The following LAMA4 variants were observed in gnomAD, a reference collection of about 807,000 sequenced individuals.
LAMA4 encodes the protein laminin subunit alpha-4.
LAMA4 carries 127 observed loss-of-function variants against 207.1 expected under a neutral mutation model. That is an observed-to-expected ratio of 0.61 (90% CI 0.53 to 0.71). The LOEUF (loss-of-function observed/expected upper bound fraction) is 0.71, where lower values mean the gene tolerates loss of function less well. Ranked by LOEUF, LAMA4 falls within the 30% of genes least tolerant of loss-of-function variation. LAMA4 has a pLI of 0.00. For missense variants in LAMA4, 2,093 were observed against 2,246.5 expected, an observed-to-expected ratio of 0.93 and a Z score of 1.38; for synonymous variants, 761 against 816.0, an observed-to-expected ratio of 0.93 and a Z score of 1.15.
At chr6:112,155,973 ACTT>A (rs1399806757) in intron 14 of LAMA4, among the ~76,000 whole-genome samples, 2 of 152,196 alleles carry the variant, frequency 1.3e-5, no homozygotes, top group East Asian at 1.9e-4. Context: ...AGCCCTCTGC[ACTT>A]CTTCTTGCAG....
At chr6:112,194,979 T>C (rs1216773297) in intron 5 of LAMA4, among the ~76,000 whole-genome samples, 1 of 152,198 alleles carries the variant, frequency 6.6e-6, no homozygotes, top group Non-Finnish European at 1.5e-5. Context: ...ATTTTATTAT[T>C]TGGGCAAAAT....
In LAMA4 at chr6:112,216,489, C is replaced by A. The variant is rs1381612366; in HGVS notation, c.196-20G>T. 1.3e-6 allele frequency: 2 copies of A among 1,506,532 alleles called. No homozygotes were observed. The highest frequency in any genetic ancestry group is 1.7e-5 in the Admixed American group (1 of 59,858). 93.3% of individuals were successfully genotyped at this position (1,506,532 alleles called of 1,614,324 possible). The stretch of plus-strand genomic sequence containing the variant: ...GCATTTCTGCAACAGACACACCAAA[C>A]CATTTTGATTATTGAAAAGATTGAT... On this transcript the variant is annotated intron_variant, in intron 2 of 38. Transcript: ENST00000230538.
intron 2 of LAMA4, among the ~76,000 whole-genome samples, chr6:112,232,602 T>C (rs1785634792): frequency 6.6e-6 from 1 of 152,226 alleles, no homozygotes. Flanking sequence ...TATACCATCA[T>C]TTTGTAGCTT....
chr6:112,250,626 T>C (rs1787374559), intron 2 of LAMA4, among the ~76,000 whole-genome samples: 1 of 152,214 alleles, frequency 6.6e-6, no homozygotes, highest in African/African-American at 2.4e-5. Flanking sequence ...AAGCCAGTAA[T>C]AGCACCGTCA....
Position 112,172,701 on chromosome 6 carries a change from A to C in LAMA4, c.1461T>G (p.Asp487Glu). ...QLDDYNAKLS[D>E]LQEALDQALN... Reference sequence around the variant, plus strand: ...GGGCCTGGTCAAGTGCTTCCTGGAGATCTGACAACTTAGCATTGTAGTCAT... The same window carrying C: ...GGGCCTGGTCAAGTGCTTCCTGGAGCTCTGACAACTTAGCATTGTAGTCAT... The change falls in exon 12 of 39, where the codon GAT becomes GAG. Residue 487 changes from aspartate to glutamate, a missense_variant. Coordinates refer to ENST00000230538, the MANE Select transcript of LAMA4 (RefSeq NM_001105206.3). 1 of 1,613,802 alleles carries C rather than the reference A, an allele frequency of 6.2e-7. No individual in the cohort carries two copies. Among genetic ancestry groups the C allele is most frequent in the African/African-American group, 1.3e-5 (1 of 74,944 alleles).
At chr6:112,214,288 T>C (rs1264417122) in intron 3 of LAMA4, among the ~76,000 whole-genome samples, 2 of 152,166 alleles carry the variant, frequency 1.3e-5, no homozygotes, top group Non-Finnish European at 2.9e-5. Flanking sequence ...CTCATTATGT[T>C]GCCCAGGCTG....
At position 112,139,281 on chromosome 6, in the gene LAMA4, C is replaced by G. The variant is rs782048946; in HGVS notation, c.3121G>C (p.Ala1041Pro). The change falls in exon 24 of 39, where the codon GCC becomes CCC. Residue 1041 changes from alanine (A) to proline (P), a missense_variant. By Grantham distance (27) the Ala-to-Pro change is conservative. Transcript: ENST00000230538. ...CTGGCAGCCCGACTCTGAGTGAAGG[C>G]CAGCTTATCTCTGAAATGGAAACAC... ...TSVPCARDKL[A>P]FTQSRAASYF... The G allele has an allele frequency of 6.2e-7, 1 of 1,614,114 alleles. No individual in the cohort carries two copies. The highest frequency in any genetic ancestry group is 2.2e-5 in the East Asian group (1 of 44,882).
At chr6:112,135,409 G>A (rs1554331263) in intron 25 of LAMA4, among the ~76,000 whole-genome samples, 2 of 152,124 alleles carry the variant, frequency 1.3e-5, no homozygotes, top group Non-Finnish European at 2.9e-5. Flanking sequence ...CTGCAAAAAT[G>A]CTAGTCAGAG....
At chr6:112,159,141 A>G in intron 13 of LAMA4, 1 of 449,662 alleles carries the variant, frequency 2.2e-6, no homozygotes, top group South Asian at 2.4e-5. Flanking sequence ...CTAAAACTAA[A>G]CTAAAACCTT....
At chr6:112,201,558 A>G (rs782123706) in intron 5 of LAMA4, 50 bp downstream of exon 5, 28 of 1,455,280 alleles carry the variant, frequency 1.9e-5, no homozygotes, top group Non-Finnish European at 2.6e-5. Context: ...TGTGAGAAAC[A>G]GAAAGCTTCC....
At chr6:112,202,572 C>T (rs947166384) in intron 4 of LAMA4, among the ~76,000 whole-genome samples, 12 of 152,078 alleles carry the variant, frequency 7.9e-5, no homozygotes, top group African/African-American at 2.9e-4. Flanking sequence ...CATTTCTTAC[C>T]CTAATGGTGT....
Position 112,175,485 on chromosome 6 carries a change from A to G in LAMA4, c.1190-5T>C. On this transcript the variant is annotated splice_region_variant and splice_polypyrimidine_tract_variant and intron_variant, in intron 10 of 38. Transcript: ENST00000230538. Reference sequence around the variant, plus strand: ...AGAGCATCTTGTTGTTGATCTCTGAAAGGAAGAACATGGTGAAACAAGGCA... The same window carrying G: ...AGAGCATCTTGTTGTTGATCTCTGAGAGGAAGAACATGGTGAAACAAGGCA... 6.2e-7 allele frequency: 1 copy of G among 1,614,094 alleles called. No homozygotes were observed. Among genetic ancestry groups the G allele is most frequent in the Non-Finnish European group, 8.5e-7 (1 of 1,179,982 alleles).
chr6:112,186,735 T>C (rs1554346756), intron 8 of LAMA4: 1 of 448,326 alleles, frequency 2.2e-6, no homozygotes, highest in South Asian at 1.6e-5. Context: ...GTATTTTTCT[T>C]TTTTAATTGT....
chr6:112,190,980 C>T (rs1783080318), intron 6 of LAMA4, among the ~76,000 whole-genome samples: 3 of 131,444 alleles, frequency 2.3e-5, no homozygotes, highest in African/African-American at 8.6e-5. Flanking sequence ...TTCTTTCTTT[C>T]TTTCTTTCCT....
chr6:112,133,888 A>C (rs999789194), intron 26 of LAMA4, among the ~76,000 whole-genome samples: 2 of 152,244 alleles, frequency 1.3e-5, no homozygotes, highest in Non-Finnish European at 2.9e-5. Flanking sequence ...TAAGAAATGA[A>C]ACTAAGAAAT....
intron 2 of LAMA4, among the ~76,000 whole-genome samples, chr6:112,230,157 C>T (rs1785462080): frequency 6.6e-6 from 1 of 152,178 alleles, no homozygotes. Flanking sequence ...TGTCTGTGTT[C>T]AGTCCCCATT....
At chr6:112,177,710 A>G (rs897251830) in intron 10 of LAMA4, among the ~76,000 whole-genome samples, 1 of 152,188 alleles carries the variant, frequency 6.6e-6, no homozygotes, top group Admixed American at 6.5e-5. Context: ...CCCATCATAG[A>G]AAGAGCTTGT....
intron 2 of LAMA4, among the ~76,000 whole-genome samples, chr6:112,226,991 G>C (rs574847993): frequency 3.9e-5 from 6 of 152,118 alleles, no homozygotes; most frequent in South Asian, 4.1e-4. Flanking sequence ...GGCCAGTTAA[G>C]GGTAAAGGAG....
intron 2 of LAMA4, among the ~76,000 whole-genome samples, chr6:112,220,288 T>G (rs1055785778): frequency 2.6e-5 from 4 of 152,188 alleles, no homozygotes; most frequent in African/African-American, 9.6e-5. Context: ...TGCTCTACCA[T>G]TAAGACTGAA....
Sources: allele counts gnomAD v4.1 joint callset (sites outside exome capture counted in the v4.1 genomes callset), GRCh38; gene constraint gnomAD v4.1.1; transcripts MANE v1.5; gene names NCBI Gene and HGNC (gene_info 2026-07-23, HGNC 2026-07-21).